The following TUB variants were observed in gnomAD, a reference collection of about 807,000 sequenced individuals.
TUB encodes TUB bipartite transcription factor.
A neutral mutation model predicts 59.7 loss-of-function variants in TUB; 33 were observed. The observed-to-expected ratio is 0.55, with a 90% CI of 0.42 to 0.74. The LOEUF (loss-of-function observed/expected upper bound fraction) is 0.74. Ranked by LOEUF, TUB falls within the 30% of genes least tolerant of loss-of-function variation. TUB has a pLI of 0.00. For synonymous variants in TUB, 293 were observed against 256.4 expected (o/e 1.14, Z -1.36); for missense variants, 659 against 672.0 (o/e 0.98, Z 0.21).
intron 1 of TUB, among the ~76,000 whole-genome samples, chr11:8,085,771 T>C (rs771948292): frequency 6.6e-6 from 1 of 152,138 alleles, no homozygotes; most frequent in Non-Finnish European, 1.5e-5. Context: ...AGCTGGAGCA[T>C]GTAAGGTAGA....
Position 8,101,688 on chromosome 11 carries a change from C to T in TUB, c.*69C>T. The T allele has an allele frequency of 6.3e-7, 1 of 1,575,316 alleles. No homozygotes were observed. The highest frequency in any genetic ancestry group is 8.6e-7 in the Non-Finnish European group (1 of 1,161,630). On this transcript the variant is annotated 3_prime_UTR_variant, in exon 12 of 12. Coordinates refer to ENST00000299506, the MANE Select transcript of TUB (RefSeq NM_177972.3). Reference sequence around the variant, plus strand: ...CTTGCCTGCCTGCCTGTGGAGACAGCCCTGCCTATCCTCTGTATATAGGCC... The same window carrying T: ...CTTGCCTGCCTGCCTGTGGAGACAGTCCTGCCTATCCTCTGTATATAGGCC...
intron 1 of TUB, among the ~76,000 whole-genome samples, chr11:8,088,812 C>T (rs80107644): frequency 0.013 from 1,914 of 152,332 alleles, 39 homozygotes; most frequent in African/African-American, 0.044. Flanking sequence ...ATGGCCAGTG[C>T]GGGTGAGATG....
intron 11 of TUB, among the ~76,000 whole-genome samples, chr11:8,101,228 G>C (rs1409969849): frequency 6.6e-6 from 1 of 152,152 alleles, no homozygotes; most frequent in Non-Finnish European, 1.5e-5. Flanking sequence ...TCAGGCACGG[G>C]AACACCCTTT....
At chr11:8,072,528 G>A (rs568676950) in intron 2 of TUB, among the ~76,000 whole-genome samples, 1 of 152,292 alleles carries the variant, frequency 6.6e-6, no homozygotes, top group South Asian at 2.1e-4. Context: ...CAATACAAGC[G>A]AGCACTTAGC....
chr11:8,050,990 A>G (rs1312935252), intron 2 of TUB, among the ~76,000 whole-genome samples: 2 of 152,238 alleles, frequency 1.3e-5, no homozygotes, highest in African/African-American at 2.4e-5. Flanking sequence ...GAAGCTTTCA[A>G]GTAGCTAACG....
chr11:8,034,070 C>T (rs1311305852), upstream of TUB, among the ~76,000 whole-genome samples: 1 of 152,208 alleles, frequency 6.6e-6, no homozygotes, highest in Non-Finnish European at 1.5e-5. Context: ...GCTCTGGGGC[C>T]TACTGTGGCC....
chr11:8,081,699 A>G (rs1243261350), intron 1 of TUB, 151 bp downstream of exon 1: 5 of 839,134 alleles, frequency 6.0e-6, no homozygotes, highest in Non-Finnish European at 8.1e-6. Context: ...TCCTCCCTCA[A>G]CTTTGAGGGC....
chr11:8,065,967 C>T (rs996119050), intron 2 of TUB, among the ~76,000 whole-genome samples: 1 of 152,198 alleles, frequency 6.6e-6, no homozygotes, highest in Non-Finnish European at 1.5e-5. Context: ...AGAGTCATAT[C>T]GCGGTGAAGC....
chr11:8,080,009 T>A (rs1038438014), upstream of TUB, among the ~76,000 whole-genome samples: 1 of 152,190 alleles, frequency 6.6e-6, no homozygotes, highest in Non-Finnish European at 1.5e-5. Context: ...TATTGTGTTT[T>A]ATAATTAATG....
chr11:8,097,968 A>G, intron 8 of TUB, 142 bp downstream of exon 8: 2 of 666,604 alleles, frequency 3.0e-6, no homozygotes, highest in Non-Finnish European at 5.2e-6. Context: ...AATCACATCC[A>G]ACTGGAGGCC....
Position 8,105,956 on chromosome 11 carries a change from C to CCTAGA in TUB, c.*4340_*4344dup, listed in dbSNP as rs1405153703. ...GGGAACACAGCCAGTTTTCACAATG[C>CCTAGA]CTAGACTGTGTATGTCTATTTGCAC... On this transcript the variant is annotated 3_prime_UTR_variant, in exon 12 of 12. Transcript: ENST00000299506. 2 of 152,148 alleles carry CCTAGA rather than the reference C, an allele frequency of 1.3e-5. No individual in the cohort carries two copies. Among genetic ancestry groups the CCTAGA allele is most frequent in the Non-Finnish European group, 2.9e-5 (2 of 67,994 alleles). 9.4% of individuals were successfully genotyped at this position (152,148 alleles called of 1,614,324 possible).
chr11:8,057,190 A>C lies in TUB; in HGVS notation c.203+17498A>C, dbSNP rs544540609. On this transcript the variant is annotated intron_variant, in intron 2 of 12. Coordinates refer to the TUB transcript ENST00000305253. ...ACTGGCCCACAGACAGCTCATGAGAATCGATTGCGCAATAAAGGAAAATGT... is the reference window on the plus strand; with the variant it reads ...ACTGGCCCACAGACAGCTCATGAGACTCGATTGCGCAATAAAGGAAAATGT... Among the ~76,000 whole-genome samples the C allele has an allele frequency of 3.9e-5, 6 of 152,230 alleles. No homozygotes were observed. In the East Asian group the frequency reaches 1.2e-3, roughly 29 times the overall value.
chr11:8,061,630 C>T (rs1943128798), intron 2 of TUB, among the ~76,000 whole-genome samples: 1 of 152,082 alleles, frequency 6.6e-6, no homozygotes. Context: ...TGCTAGTTTG[C>T]TCTGTGCCCC....
rs2133813438 is a variant in TUB at position 8,081,351 on chromosome 11, A to G, written c.-160A>G. 1 of 986,362 alleles carries G rather than the reference A, an allele frequency of 1.0e-6. No individual in the cohort carries two copies. Among genetic ancestry groups the G allele is most frequent in the South Asian group, 4.6e-5 (1 of 21,680 alleles). 61.1% of individuals were successfully genotyped at this position (986,362 alleles called of 1,614,324 possible). A position where few individuals can be genotyped will look rare whatever the true frequency, so the allele number is the denominator to read the frequency against. ...GCAGGCAGCCGCTCGCAGAGCCAGCAGCCGGGGCCCTGGCGTGCAGCGCGG... is the reference window on the plus strand; with the variant it reads ...GCAGGCAGCCGCTCGCAGAGCCAGCGGCCGGGGCCCTGGCGTGCAGCGCGG... On this transcript the variant is annotated 5_prime_UTR_variant, in exon 1 of 12. Transcript: ENST00000299506.
chr11:8,090,845 A>G lies in TUB; in HGVS notation c.253+614A>G, dbSNP rs1355801623. Among the ~76,000 whole-genome samples the G allele has an allele frequency of 2.6e-5, 4 of 151,902 alleles. No homozygotes were observed. In the East Asian group the frequency reaches 5.9e-4, roughly 22 times the overall value. ...ACATCTCCAGAGATGGCTGCAGCACATCTCTGTTCTCAGGACCCTCCTTCC... is the reference window on the plus strand; with the variant it reads ...ACATCTCCAGAGATGGCTGCAGCACGTCTCTGTTCTCAGGACCCTCCTTCC... On this transcript the variant is annotated intron_variant, in intron 3 of 11. Transcript: ENST00000299506.
intron 7 of TUB, 84 bp from the exon 8 acceptor site, chr11:8,097,630 G>A (rs1165678049): frequency 1.8e-5 from 24 of 1,355,246 alleles, no homozygotes; most frequent in African/African-American, 1.3e-4. Context: ...CTGACGCAAC[G>A]GAGAGAGTCT....
At chr11:8,032,652 T>C (rs1017638055) in intron 1 of TUB, among the ~76,000 whole-genome samples, 1 of 149,760 alleles carries the variant, frequency 6.7e-6, no homozygotes, top group African/African-American at 2.4e-5. Context: ...CCCTCACACC[T>C]GGGCACCTAT....
chr11:8,041,609 C>G (rs376155413), intron 2 of TUB, among the ~76,000 whole-genome samples: 22 of 152,140 alleles, frequency 1.4e-4, no homozygotes, highest in African/African-American at 5.1e-4. Flanking sequence ...TTGTGTACCT[C>G]GTATGCATTC....
At position 8,100,914 on chromosome 11, in the gene TUB, A is replaced by G. The variant is rs756764321; in HGVS notation, c.1304A>G (p.Asp435Gly). Residue 435 changes from aspartate (D) to glycine (G), a missense_variant, in exon 11 of 12, where the codon GAC becomes GGC. Physicochemically the swap from Asp to Gly is moderately conservative, Grantham distance 94. This residue lies in a region of TUB where 226 missense variants were observed against 210.8 expected (regional missense o/e 1.07). Coordinates refer to ENST00000299506, the MANE Select transcript of TUB (RefSeq NM_177972.3). ...LQNKTPVWND[D>G]TQSYVLNFHG... ...AACAAGACACCTGTCTGGAATGATG[A>G]CACACAGTCCTATGTACTCAACTTC... 7 of 1,614,162 alleles carry G rather than the reference A, an allele frequency of 4.3e-6. No individual in the cohort carries two copies. Among genetic ancestry groups the G allele is most frequent in the Non-Finnish European group, 4.2e-6 (5 of 1,180,038 alleles).
Sources: gnomAD v4.1 joint callset for allele counts (sites outside exome capture counted in the v4.1 genomes callset) on GRCh38, gnomAD v4.1.1 for gene constraint, gnomAD v4.1.1 regional missense constraint, MANE v1.5 for transcripts, NCBI Gene and HGNC (gene_info 2026-07-23, HGNC 2026-07-21) for gene names.